The following SARM1 variants were observed in gnomAD, a reference collection of about 807,000 sequenced individuals.
SARM1 encodes sterile alpha and TIR motif containing 1, also known as NAD(+) hydrolase SARM1.
In SARM1, 60 loss-of-function variants were observed where a neutral mutation model predicts 65.1. That is an observed-to-expected ratio of 0.92 (90% CI 0.75 to 1.14). The LOEUF (loss-of-function observed/expected upper bound fraction) is 1.14, where lower values mean the gene tolerates loss of function less well. Among genes scored for constraint, SARM1 ranks in the 50% most tolerant of loss-of-function variants. SARM1 has a pLI of 0.00. For synonymous variants in SARM1, 417 were observed against 465.4 expected (o/e 0.90, Z 1.34); for missense variants, 913 against 1,015.7 (o/e 0.90, Z 1.37).
In SARM1 at chr17:28,372,266, G is replaced by T. The variant is rs113046253; in HGVS notation, c.234G>T (p.Ala78=). The change falls in exon 1 of 9, where the codon GCG becomes GCT. Residue 78 remains alanine, a synonymous_variant. Coordinates refer to ENST00000585482, the MANE Select transcript of SARM1 (RefSeq NM_015077.4). This position sits in a 1 kb window ranked among gnomAD's most constrained non-coding sequence, Gnocchi z 5.2. Reference sequence around the variant, plus strand: ...CGGAGCTGCAGCAGGCCTTGTCCGCGCTGAAGCAGGCGGGCGGCGCGCGGG... The same window carrying T: ...CGGAGCTGCAGCAGGCCTTGTCCGCTCTGAAGCAGGCGGGCGGCGCGCGGG... ...ALPELQQALS[A]LKQAGGARAV... 7.6e-4 allele frequency: 1,053 copies of T among 1,392,618 alleles called. No homozygotes were observed. The highest frequency in any genetic ancestry group is 2.3e-3 in the Middle Eastern group (9 of 3,910). The allele number at this position is 1,392,618 out of a possible 1,614,324, so 86.3% of individuals were successfully genotyped here.
Position 28,384,253 on chromosome 17 carries a change from A to C in SARM1, c.1090-104A>C. 3.2e-6 allele frequency: 3 copies of C among 938,210 alleles called. No homozygotes were observed. The highest frequency in any genetic ancestry group is 4.7e-6 in the Non-Finnish European group (3 of 633,864). 58.1% of individuals were successfully genotyped at this position (938,210 alleles called of 1,614,324 possible). On this transcript the variant is annotated intron_variant, in intron 2 of 8. Coordinates refer to ENST00000585482, the MANE Select transcript of SARM1 (RefSeq NM_015077.4). The surrounding 1 kb of genome is among the most constrained non-coding windows in gnomAD (Gnocchi z 4.4). The stretch of plus-strand genomic sequence containing the variant: ...CTGAAGGTGGGGCCAGGGCAGATGG[A>C]GAGACTTTGGGTTGTGAGAAGAGAC...
In SARM1 at chr17:28,402,037, C is replaced by A. The variant is rs2068201977; in HGVS notation, c.*5751C>A. 1 of 524,786 alleles carries A rather than the reference C, an allele frequency of 1.9e-6. No homozygotes were observed. The highest frequency in any genetic ancestry group is 3.4e-6 in the Non-Finnish European group (1 of 292,138). 32.5% of individuals were successfully genotyped at this position (524,786 alleles called of 1,614,324 possible). A position where few individuals can be genotyped will look rare whatever the true frequency, so the allele number is the denominator to read the frequency against. On this transcript the variant is annotated 3_prime_UTR_variant, in exon 9 of 9. Transcript: ENST00000585482. ...GTGCTCTGCTGACTGCAAATCCCAA[C>A]TCTGCGGTTTGAAAATCCAAGGTGG...
intron 1 of SARM1, among the ~76,000 whole-genome samples, chr17:28,379,792 C>G (rs555446826): frequency 6.6e-6 from 1 of 152,172 alleles, no homozygotes; most frequent in Non-Finnish European, 1.5e-5. Context: ...AACATTTGAG[C>G]AGACATTGGA....
chr17:28,396,018 C>A lies in SARM1; in HGVS notation c.2037C>A (p.Asn679Lys), dbSNP rs371818392. 1 of 1,613,784 alleles carries A rather than the reference C, an allele frequency of 6.2e-7. No individual in the cohort carries two copies. Among genetic ancestry groups the A allele is most frequent in the South Asian group, 1.1e-5 (1 of 91,084 alleles). The change falls in exon 8 of 9, where the codon AAC (asparagine) becomes AAA (lysine). Residue 679 changes from asparagine (N) to lysine (K), a missense_variant. Coordinates refer to ENST00000585482, the MANE Select transcript of SARM1 (RefSeq NM_015077.4). ...ACATGCAGGCTGTGCTTACTTTCAA[C>A]GGTATCAAGTGAGCCCCAGGGCCCT... ...PEDMQAVLTF[N>K]GIKWSHEYQE...
At chr17:28,393,422 A>C (rs977825520) in intron 7 of SARM1, among the ~76,000 whole-genome samples, 1 of 151,970 alleles carries the variant, frequency 6.6e-6, no homozygotes, top group Non-Finnish European at 1.5e-5. Context: ...ATGGTGGCAC[A>C]CGCCTGTGGT....
chr17:28,381,865 C>T (rs1275987970), intron 2 of SARM1, 44 bp downstream of exon 2: 1 of 1,391,612 alleles, frequency 7.2e-7, no homozygotes, highest in Non-Finnish European at 9.3e-7. Context: ...GTTAGAGAGC[C>T]TTTGGGAAGG....
intron 7 of SARM1, 136 bp from the exon 8 acceptor site, chr17:28,395,769 A>C (rs2068113402): frequency 7.2e-6 from 6 of 830,400 alleles, no homozygotes; most frequent in Middle Eastern, 2.6e-4. Context: ...GTTAAGGTAG[A>C]CATCAAGGTG....
chr17:28,372,378 C>T lies in SARM1; in HGVS notation c.346C>T (p.Leu116=). Residue 116 remains leucine, a synonymous_variant, in exon 1 of 9, where the codon CTG becomes TTG. Transcript: ENST00000585482. This position sits in a 1 kb window ranked among gnomAD's most constrained non-coding sequence, Gnocchi z 5.2. The part of the protein sequence containing the change: ...PAVGREVAQG[L]CDAIRLDGGL... ...CGTGGGCCGCGAGGTAGCCCAGGGTCTGTGCGACGCCATCCGCCTCGATGG... is the reference window on the plus strand; with the variant it reads ...CGTGGGCCGCGAGGTAGCCCAGGGTTTGTGCGACGCCATCCGCCTCGATGG... 1 of 1,524,334 alleles carries T rather than the reference C, an allele frequency of 6.6e-7. No individual in the cohort carries two copies. Among genetic ancestry groups the T allele is most frequent in the East Asian group, 2.5e-5 (1 of 39,402 alleles). 94.4% of individuals were successfully genotyped at this position (1,524,334 alleles called of 1,614,324 possible).
chr17:28,397,758 G>A lies in SARM1; in HGVS notation c.*1472G>A, dbSNP rs1322044930. ...TGCCCCCTCCTCCACTGGGTTCAGA[G>A]GGTAAGAAAGCACCCTCCAATAAAC... On this transcript the variant is annotated 3_prime_UTR_variant, in exon 9 of 9. Transcript: ENST00000585482. The A allele has an allele frequency of 1.3e-5, 2 of 152,378 alleles. No homozygotes were observed. The highest frequency in any genetic ancestry group is 6.5e-5 in the Admixed American group (1 of 15,282). The allele number at this position is 152,378 out of a possible 1,614,324, so 9.4% of individuals were successfully genotyped here. A position where few individuals can be genotyped will look rare whatever the true frequency, so the allele number is the denominator to read the frequency against.
intron 7 of SARM1, among the ~76,000 whole-genome samples, chr17:28,393,553 GC>G (rs1240709265): frequency 2.0e-5 from 3 of 150,128 alleles, no homozygotes; most frequent in Admixed American, 1.3e-4. Flanking sequence ...CTGTTCCCCT[GC>G]CCCCCGCCAA....
At position 28,399,974 on chromosome 17, in the gene SARM1, C is replaced by G. The variant is rs2068176437; in HGVS notation, c.*3688C>G. 2.2e-6 allele frequency: 1 copy of G among 461,872 alleles called. No homozygotes were observed. The highest frequency in any genetic ancestry group is 4.0e-6 in the Non-Finnish European group (1 of 252,018). The allele number at this position is 461,872 out of a possible 1,614,324, so 28.6% of individuals were successfully genotyped here. On this transcript the variant is annotated 3_prime_UTR_variant, in exon 9 of 9. Transcript: ENST00000585482. ...AGTGACATAATCATAGCTCACTGTA[C>G]CCTTGAACTCCTGGGCTCAAGTGAT...
At chr17:28,381,904 G>C (rs1304434577) in intron 2 of SARM1, 83 bp downstream of exon 2, 35 of 1,360,648 alleles carry the variant, frequency 2.6e-5, no homozygotes, top group Admixed American at 3.6e-5. Context: ...ATTCAACCGG[G>C]TCTTGAAATA....
chr17:28,380,430 C>T (rs911401093), intron 1 of SARM1, among the ~76,000 whole-genome samples: 3 of 152,212 alleles, frequency 2.0e-5, no homozygotes, highest in African/African-American at 4.8e-5. Flanking sequence ...TCCAGGCACA[C>T]GCCATTACAT....
Position 28,400,570 on chromosome 17 carries a change from A to G in SARM1, c.*4284A>G. ...GGAGAAGAGGAAACTTTTAAGAGAA[A>G]GGGCTCCATTATGAGCATGGGTTCA... On this transcript the variant is annotated 3_prime_UTR_variant, in exon 9 of 9. Transcript: ENST00000585482. 6.2e-7 allele frequency: 1 copy of G among 1,608,620 alleles called. No homozygotes were observed.
intron 1 of SARM1, chr17:28,374,389 T>C (rs1300710600): frequency 1.3e-5 from 2 of 150,744 alleles, no homozygotes; most frequent in Non-Finnish European, 2.9e-5. Context: ...TAGCCAGGCA[T>C]GGTGGTGGTG....
intron 5 of SARM1, among the ~76,000 whole-genome samples, chr17:28,387,552 G>T (rs2142433621): frequency 6.6e-6 from 1 of 152,330 alleles, no homozygotes; most frequent in African/African-American, 2.4e-5. Flanking sequence ...TGGGTTTGGG[G>T]AGGCCATTGA....
In SARM1 at chr17:28,372,411, G is replaced by T; in HGVS notation, c.379G>T (p.Asp127Tyr). ...CGCCATCCGCCTCGATGGCGGCCTC[G>T]ACCTGCTGTTGCGGCTGCTGCAGGC... is the stretch of plus-strand genomic sequence containing the variant. ...CDAIRLDGGLDLLLRLLQAPE... is the reference protein window; with the variant it reads ...CDAIRLDGGLYLLLRLLQAPE... Residue 127 changes from aspartate to tyrosine, a missense_variant, in exon 1 of 9, where the codon GAC becomes TAC. Physicochemically the swap from Asp to Tyr is radical, Grantham distance 160. Coordinates refer to ENST00000585482, the MANE Select transcript of SARM1 (RefSeq NM_015077.4). The surrounding 1 kb of genome is among the most constrained non-coding windows in gnomAD (Gnocchi z 5.2). The T allele has an allele frequency of 6.5e-7, 1 of 1,529,592 alleles. No homozygotes were observed. Among genetic ancestry groups the T allele is most frequent in the South Asian group, 1.2e-5 (1 of 83,746 alleles). The allele number at this position is 1,529,592 out of a possible 1,614,324, so 94.8% of individuals were successfully genotyped here. A position where few individuals can be genotyped will look rare whatever the true frequency, so the allele number is the denominator to read the frequency against.
Position 28,402,383 on chromosome 17 carries a change from G to A in SARM1, c.*6097G>A. The A allele has an allele frequency of 7.0e-7, 1 of 1,430,586 alleles. No individual in the cohort carries two copies. The highest frequency in any genetic ancestry group is 1.2e-5 in the South Asian group (1 of 83,134). The allele number at this position is 1,430,586 out of a possible 1,614,324, so 88.6% of individuals were successfully genotyped here. On this transcript the variant is annotated 3_prime_UTR_variant, in exon 9 of 9. Transcript: ENST00000585482. ...TGGGGAGAGGGGCGTCCAAGGGAAA[G>A]GCAGCAGAGCTCCTATCCATACCCC... is the stretch of plus-strand genomic sequence containing the variant.
intron 2 of SARM1, among the ~76,000 whole-genome samples, chr17:28,382,902 A>G (rs1346325140): frequency 2.0e-5 from 3 of 151,424 alleles, no homozygotes; most frequent in African/African-American, 4.9e-5. Flanking sequence ...CTACAATATC[A>G]CTCTCTCTTC....
Sources: allele counts gnomAD v4.1 joint callset (sites outside exome capture counted in the v4.1 genomes callset), GRCh38; gene constraint gnomAD v4.1.1; non-coding constraint Gnocchi (gnomAD v3.1); transcripts MANE v1.5; gene names NCBI Gene and HGNC (gene_info 2026-07-23, HGNC 2026-07-21).